The following CCDC171 variants were observed in gnomAD, a reference collection of about 807,000 sequenced individuals.
The protein encoded by CCDC171 is coiled-coil domain-containing protein 171.
A neutral mutation model predicts 168.2 loss-of-function variants in CCDC171; 177 were observed. The ratio of observed to expected loss-of-function variants is 1.05; its 90% CI spans 0.93 to 1.19. The LOEUF is 1.19. Among genes scored for constraint, CCDC171 ranks in the 50% most tolerant of loss-of-function variants. CCDC171 has a pLI of 0.00. For synonymous variants in CCDC171, 687 were observed against 540.8 expected (o/e 1.27, Z -3.75); for missense variants, 1,991 against 1,539.0 (o/e 1.29, Z -4.91).
chr9:15,616,994 C>G (rs2044128890), intron 6 of CCDC171, among the ~76,000 whole-genome samples: 1 of 152,162 alleles, frequency 6.6e-6, no homozygotes, highest in African/African-American at 2.4e-5. Flanking sequence ...CCTCAGGAAG[C>G]TTACAATAAT....
chr9:15,610,124 T>C (rs1306255275), intron 6 of CCDC171, among the ~76,000 whole-genome samples: 2 of 152,130 alleles, frequency 1.3e-5, no homozygotes, highest in African/African-American at 4.8e-5. Flanking sequence ...TTGTTTCATG[T>C]TTGTAATGTC....
At chr9:16,096,191 T>C in the CCDC171 span, among the ~76,000 whole-genome samples, 6 of 152,292 alleles carry the variant, frequency 3.9e-5, no homozygotes, top group African/African-American at 1.4e-4. Context: ...ACATTGATTG[T>C]TCCCTCTGTA....
intron 13 of CCDC171, 150 bp from the exon 14 acceptor site, chr9:15,724,626 A>G: frequency 1.8e-6 from 1 of 559,188 alleles, no homozygotes; most frequent in Non-Finnish European, 3.2e-6. Flanking sequence ...ACATTCAGTA[A>G]AATATTTTAA....
intron 7 of CCDC171, among the ~76,000 whole-genome samples, chr9:15,643,146 G>A (rs1434492483): frequency 6.6e-6 from 1 of 151,948 alleles, no homozygotes; most frequent in African/African-American, 2.4e-5. Context: ...TGTGGTTTGT[G>A]AGATTTTGGT....
At chr9:15,880,372 T>C (rs1818455230) in intron 24 of CCDC171, among the ~76,000 whole-genome samples, 2 of 152,214 alleles carry the variant, frequency 1.3e-5, no homozygotes, top group South Asian at 4.1e-4. Flanking sequence ...ATTTACATGG[T>C]ACAGAGTGAT....
intron 9 of CCDC171, among the ~76,000 whole-genome samples, chr9:15,670,444 C>T (rs1292794492): frequency 6.6e-6 from 1 of 152,126 alleles, no homozygotes; most frequent in Non-Finnish European, 1.5e-5. Context: ...CCCCATTGCT[C>T]TCTACTATCA....
chr9:15,564,263 A>G, intron 2 of CCDC171, 134 bp downstream of exon 2: 1 of 608,500 alleles, frequency 1.6e-6, no homozygotes, highest in Middle Eastern at 2.6e-4. Flanking sequence ...GTGGGACTGA[A>G]GGAGCATGAA....
At chr9:15,723,469 T>A (rs1342977607) in intron 12 of CCDC171, among the ~76,000 whole-genome samples, 2 of 152,202 alleles carry the variant, frequency 1.3e-5, no homozygotes, top group African/African-American at 4.8e-5. Flanking sequence ...TTTCTTTTCT[T>A]TTTAGCCACA....
chr9:15,989,025 C>T (rs1209935176), intron 3 of CCDC171, among the ~76,000 whole-genome samples: 5 of 152,172 alleles, frequency 3.3e-5, no homozygotes, highest in Admixed American at 6.5e-5. Context: ...GAACAAAAGG[C>T]AGCAGAAACC....
At chr9:15,603,785 G>T (rs1399319336) in intron 6 of CCDC171, among the ~76,000 whole-genome samples, 1 of 152,124 alleles carries the variant, frequency 6.6e-6, no homozygotes. Context: ...GGATTGCTGG[G>T]TCAAATGGTA....
At chr9:16,000,121 C>T (rs931629166) in intron 3 of CCDC171, among the ~76,000 whole-genome samples, 3 of 152,152 alleles carry the variant, frequency 2.0e-5, no homozygotes, top group African/African-American at 7.2e-5. Context: ...GATAATTCTT[C>T]ATCATATGAG....
chr9:15,996,849 G>A lies in CCDC171; in HGVS notation n.369-23740G>A, dbSNP rs904808552. Among the ~76,000 whole-genome samples, 5 of 152,124 alleles carry A rather than the reference G, an allele frequency of 3.3e-5. No homozygotes were observed. In the East Asian group the frequency reaches 9.7e-4, roughly 29 times the overall value. ...ATAAATGAATATGAAGACAAATTGA[G>A]GTAAAGGCTCAAACCAGCTAATGAA... On this transcript the variant is annotated intron_variant and non_coding_transcript_variant, in intron 3 of 9. Coordinates refer to the CCDC171 transcript ENST00000486641.
intron 22 of CCDC171, among the ~76,000 whole-genome samples, chr9:15,847,224 C>T (rs1034183869): frequency 2.0e-5 from 3 of 151,880 alleles, no homozygotes; most frequent in African/African-American, 7.3e-5. Context: ...TTTTGTTCTG[C>T]ATATATTATT....
chr9:15,782,518 C>T (rs572018933), intron 20 of CCDC171, among the ~76,000 whole-genome samples: 2 of 152,260 alleles, frequency 1.3e-5, no homozygotes, highest in Admixed American at 1.3e-4. Flanking sequence ...GTGAAGGGAA[C>T]ACACGTTCTG....
At chr9:15,792,571 G>C (rs542165164) in intron 21 of CCDC171, among the ~76,000 whole-genome samples, 2 of 152,302 alleles carry the variant, frequency 1.3e-5, no homozygotes, top group South Asian at 4.1e-4. Flanking sequence ...GGCAGCCAGA[G>C]AGAAAGGTCG....
chr9:15,955,102 T>TA (rs1299285731), intron 25 of CCDC171, among the ~76,000 whole-genome samples: 2 of 152,152 alleles, frequency 1.3e-5, no homozygotes, highest in Non-Finnish European at 2.9e-5. Flanking sequence ...TCTGATTTTT[T>TA]AAAAAATTGC....
intron 7 of CCDC171, among the ~76,000 whole-genome samples, chr9:15,647,159 C>T (rs536469684): frequency 8.5e-5 from 13 of 152,176 alleles, no homozygotes; most frequent in African/African-American, 2.6e-4. Flanking sequence ...CTGCTGGGTA[C>T]ATAACAAAAT....
chr9:15,906,787 C>A (rs1822709432), intron 24 of CCDC171, among the ~76,000 whole-genome samples: 2 of 152,062 alleles, frequency 1.3e-5, no homozygotes, highest in South Asian at 4.2e-4. Flanking sequence ...TCGTCTCAGC[C>A]CAAAATCTCC....
At chr9:15,965,692 G>T (rs4961434) in intron 25 of CCDC171, among the ~76,000 whole-genome samples, 48,565 of 98,826 alleles carry the variant, frequency 0.49, 9,628 homozygotes, top group East Asian at 0.71. Context: ...AAAAGAGAAG[G>T]GAAGATATGC....
Sources: allele counts gnomAD v4.1 joint callset (sites outside exome capture counted in the v4.1 genomes callset), GRCh38; gene constraint gnomAD v4.1.1; transcripts MANE v1.5; gene names NCBI Gene and HGNC (gene_info 2026-07-23, HGNC 2026-07-21).